The following TDRD3 variants were observed in gnomAD, a reference collection of about 807,000 sequenced individuals.
TDRD3 encodes tudor domain containing 3, also known as tudor domain-containing protein 3.
A neutral mutation model predicts 86.7 loss-of-function variants in TDRD3; 45 were observed. The observed-to-expected ratio is 0.52, with a 90% CI of 0.41 to 0.67. The LOEUF (loss-of-function observed/expected upper bound fraction) is 0.67, where lower values mean the gene tolerates loss of function less well. Among genes scored for constraint, TDRD3 ranks in the 30% least tolerant of loss-of-function variants. The pLI, the probability that TDRD3 is intolerant of heterozygous loss-of-function variation, is 0.00. For synonymous variants in TDRD3, 298 were observed against 301.7 expected (o/e 0.99, Z 0.13); for missense variants, 814 against 889.0 (o/e 0.92, Z 1.07).
intron 3 of TDRD3, among the ~76,000 whole-genome samples, chr13:60,457,792 A>G (rs1955714403): frequency 6.6e-6 from 1 of 151,772 alleles, no homozygotes; most frequent in African/African-American, 2.4e-5. Flanking sequence ...TAGCTGTAGC[A>G]GTCCTTGGCC....
At chr13:60,555,292 T>C (rs1306323695) in intron 12 of TDRD3, among the ~76,000 whole-genome samples, 1 of 152,204 alleles carries the variant, frequency 6.6e-6, no homozygotes, top group African/African-American at 2.4e-5. Flanking sequence ...TGAGGTAAAG[T>C]AGTATAAATG....
At chr13:60,432,763 T>C (rs183248666) in intron 1 of TDRD3, among the ~76,000 whole-genome samples, 79 of 152,288 alleles carry the variant, frequency 5.2e-4, no homozygotes, top group Admixed American at 6.5e-4. Flanking sequence ...TAAATTATCT[T>C]TTATGTTTTT....
chr13:60,558,022 C>T (rs1035212194), intron 12 of TDRD3, among the ~76,000 whole-genome samples: 1 of 151,968 alleles, frequency 6.6e-6, no homozygotes, highest in Non-Finnish European at 1.5e-5. Flanking sequence ...GGGGTTTCAC[C>T]GTGTTGGCCA....
At chr13:60,504,643 C>T (rs1956897484) in intron 8 of TDRD3, among the ~76,000 whole-genome samples, 1 of 152,166 alleles carries the variant, frequency 6.6e-6, no homozygotes, top group Non-Finnish European at 1.5e-5. Flanking sequence ...TCGGTGGTGG[C>T]TGGCAAGATG....
In TDRD3 at chr13:60,493,068, G is replaced by T. The variant is rs182589976; in HGVS notation, c.718-1367G>T. 7.5e-3 allele frequency among the ~76,000 whole-genome samples: 1,142 copies of T among 151,380 alleles called. 9 individuals are homozygous for T. Among genetic ancestry groups the T allele is most frequent in the Middle Eastern group, 0.027 (8 of 294 alleles). The stretch of plus-strand genomic sequence containing the variant: ...CAAGTAGCTGGGACTACAGGCGCCC[G>T]CCAACATGCCCGGCTAATTTTTTGT... On this transcript the variant is annotated intron_variant, in intron 7 of 13. Transcript: ENST00000377881.
intron 10 of TDRD3, among the ~76,000 whole-genome samples, chr13:60,514,328 AG>A (rs1957123811): frequency 6.6e-6 from 1 of 152,206 alleles, no homozygotes; most frequent in African/African-American, 2.4e-5. Context: ...TCAGTTTTAA[AG>A]GGAAAACACA....
intron 7 of TDRD3, among the ~76,000 whole-genome samples, chr13:60,493,209 C>T (rs1042680505): frequency 7.2e-5 from 11 of 151,788 alleles, no homozygotes; most frequent in African/African-American, 2.2e-4. Context: ...TGAGCCACCG[C>T]GCCCGGCCTC....
intron 5 of TDRD3, among the ~76,000 whole-genome samples, chr13:60,474,056 C>T (rs1170712135): frequency 6.6e-6 from 1 of 152,204 alleles, no homozygotes; most frequent in Admixed American, 6.5e-5. Flanking sequence ...TCAGTGGTCA[C>T]GCTCCTGATC....
At chr13:60,565,074 G>A (rs1251202290) in intron 12 of TDRD3, among the ~76,000 whole-genome samples, 1 of 23,930 alleles carries the variant, frequency 4.2e-5, no homozygotes, top group African/African-American at 2.4e-4. Context: ...TTTTTTTTTT[G>A]AGACGGAGTC....
At chr13:60,566,222 C>A (rs535287701) in intron 12 of TDRD3, among the ~76,000 whole-genome samples, 1 of 151,552 alleles carries the variant, frequency 6.6e-6, no homozygotes, top group East Asian at 1.9e-4. Flanking sequence ...CAAAGCTTTC[C>A]CAAGCTTCAG....
chr13:60,397,878 G>T (rs1463325224), intron 1 of TDRD3, among the ~76,000 whole-genome samples: 2 of 152,152 alleles, frequency 1.3e-5, no homozygotes, highest in Non-Finnish European at 2.9e-5. Flanking sequence ...GTTGAGGGCA[G>T]AGCAGAGCAC....
chr13:60,439,306 A>T (rs575833934), intron 1 of TDRD3, among the ~76,000 whole-genome samples: 2 of 152,094 alleles, frequency 1.3e-5, no homozygotes, highest in Non-Finnish European at 1.5e-5. Flanking sequence ...TGTTTATTTT[A>T]GTTTTATTTT....
chr13:60,415,277 C>T (rs1293141168), intron 1 of TDRD3, among the ~76,000 whole-genome samples: 1 of 152,102 alleles, frequency 6.6e-6, no homozygotes, highest in East Asian at 1.9e-4. Context: ...TGAGAATTAC[C>T]AATTCCACTC....
intron 1 of TDRD3, among the ~76,000 whole-genome samples, chr13:60,425,051 G>A (rs1390952869): frequency 2.6e-5 from 4 of 152,080 alleles, no homozygotes; most frequent in Admixed American, 2.6e-4. Context: ...AACAGTCTTG[G>A]TGTTTTTGAA....
chr13:60,482,007 T>C (rs1336678352), intron 5 of TDRD3, among the ~76,000 whole-genome samples: 1 of 152,228 alleles, frequency 6.6e-6, no homozygotes, highest in African/African-American at 2.4e-5. Flanking sequence ...CTCCCTGTCC[T>C]GAATGAATGT....
intron 12 of TDRD3, among the ~76,000 whole-genome samples, chr13:60,540,057 C>A (rs1210553326): frequency 6.6e-6 from 1 of 152,070 alleles, no homozygotes; most frequent in Non-Finnish European, 1.5e-5. Context: ...ACCTATGTGA[C>A]CCTAGTCCAG....
At chr13:60,399,709 C>A (rs1315908267) in intron 1 of TDRD3, among the ~76,000 whole-genome samples, 1 of 152,188 alleles carries the variant, frequency 6.6e-6, no homozygotes, top group Non-Finnish European at 1.5e-5. Flanking sequence ...GTATTCAAAT[C>A]TATGTACTTA....
At chr13:60,408,627 G>A (rs969414076) in intron 1 of TDRD3, among the ~76,000 whole-genome samples, 13 of 152,158 alleles carry the variant, frequency 8.5e-5, no homozygotes, top group African/African-American at 3.1e-4. Flanking sequence ...CTAGAGATTT[G>A]TGGAACTTTG....
At chr13:60,397,118 A>G (rs1017848926), upstream of TDRD3, 54 of 372,066 alleles carry the variant, frequency 1.5e-4, no homozygotes, top group African/African-American at 1.0e-3. Context: ...TTGGTGGATC[A>G]GGTCCCGGAG....
Sources: allele counts gnomAD v4.1 joint callset (sites outside exome capture counted in the v4.1 genomes callset), GRCh38; gene constraint gnomAD v4.1.1; transcripts MANE v1.5; gene names NCBI Gene and HGNC (gene_info 2026-07-23, HGNC 2026-07-21).